ARHGEF26: variants seen among roughly 807,000 people sequenced by gnomAD.
The protein encoded by ARHGEF26 is Rho guanine nucleotide exchange factor (GEF) 26.
In ARHGEF26, 59 loss-of-function variants were observed where a neutral mutation model predicts 89.4. The ratio of observed to expected loss-of-function variants is 0.66; its 90% CI spans 0.54 to 0.82. The LOEUF is 0.82. ARHGEF26 is among the 40% of genes least tolerant of loss of function. The pLI is 0.00. For missense variants in ARHGEF26, 1,234 were observed against 1,085.6 expected (o/e 1.14, Z -1.92); for synonymous variants, 500 against 428.4 (o/e 1.17, Z -2.06).
At chr3:154,210,416 C>A (rs1003854533) in intron 9 of ARHGEF26, among the ~76,000 whole-genome samples, 1 of 151,998 alleles carries the variant, frequency 6.6e-6, no homozygotes, top group African/African-American at 2.4e-5. Flanking sequence ...TCCCTTCTGG[C>A]GATTCTCATG....
chr3:154,141,026 A>G (rs1010785852), intron 4 of ARHGEF26, among the ~76,000 whole-genome samples: 1 of 151,630 alleles, frequency 6.6e-6, no homozygotes, highest in African/African-American at 2.4e-5. Context: ...CAGTGGCACA[A>G]TCTCAGCTCA....
intron 11 of ARHGEF26, among the ~76,000 whole-genome samples, chr3:154,235,080 T>C (rs796382439): frequency 6.6e-6 from 1 of 152,190 alleles, no homozygotes; most frequent in Non-Finnish European, 1.5e-5. Flanking sequence ...CCACAATCTT[T>C]CTGGCTATTT....
chr3:154,157,590 A>C (rs942915463), intron 6 of ARHGEF26, among the ~76,000 whole-genome samples: 17 of 152,120 alleles, frequency 1.1e-4, no homozygotes, highest in African/African-American at 3.1e-4. Flanking sequence ...AGGCAATTGA[A>C]GTAACACAGC....
In ARHGEF26 at chr3:154,210,619, A is replaced by G. The variant is rs1046544002; in HGVS notation, c.1846-7250A>G. On this transcript the variant is annotated intron_variant, in intron 9 of 14. Coordinates refer to ENST00000465093, the MANE Select transcript of ARHGEF26 (RefSeq NM_015595.4). ...CGTGAGCCACTGCACCTGGCCGCCA[A>G]TTGCATTTGGCGCCAGGGTATGTCT... is the stretch of plus-strand genomic sequence containing the variant. 6.0e-5 allele frequency among the ~76,000 whole-genome samples: 9 copies of G among 151,216 alleles called. 1 individual carries two copies. The highest frequency in any genetic ancestry group is 2.0e-4 in the East Asian group (1 of 4,936).
rs1484865930 is a variant in ARHGEF26 at position 154,205,124 on chromosome 3, G to A, written c.1845+10406G>A. ...GATGTTGAAGTCTCTAGCTATTATG[G>A]TACTATGGTGTATCTCTTTCTTTAC... On this transcript the variant is annotated intron_variant, in intron 9 of 14. Coordinates refer to ENST00000465093, the MANE Select transcript of ARHGEF26 (RefSeq NM_015595.4). Among the ~76,000 whole-genome samples, 22 of 152,160 alleles carry A rather than the reference G, an allele frequency of 1.4e-4. 1 individual carries two copies. In the South Asian group the frequency reaches 4.4e-3, roughly 30 times the overall value.
At chr3:154,153,135 C>T (rs1449471759) in intron 6 of ARHGEF26, among the ~76,000 whole-genome samples, 4 of 152,080 alleles carry the variant, frequency 2.6e-5, no homozygotes, top group African/African-American at 4.8e-5. Flanking sequence ...TCACAGCAGA[C>T]GGCTGTCCTA....
At chr3:154,254,467 T>C (rs1057342704) in intron 13 of ARHGEF26, among the ~76,000 whole-genome samples, 2 of 152,110 alleles carry the variant, frequency 1.3e-5, no homozygotes, top group Non-Finnish European at 2.9e-5. Flanking sequence ...GACTAATGAC[T>C]CCTGATCAAC....
chr3:154,127,921 A>G (rs1239934479), intron 3 of ARHGEF26, among the ~76,000 whole-genome samples: 3 of 152,184 alleles, frequency 2.0e-5, no homozygotes, highest in Non-Finnish European at 4.4e-5. Context: ...ATATTATGCA[A>G]TGCGTGACTG....
intron 4 of ARHGEF26, among the ~76,000 whole-genome samples, chr3:154,144,775 G>A (rs1304246245): frequency 1.3e-5 from 2 of 152,124 alleles, no homozygotes; most frequent in African/African-American, 4.8e-5. Context: ...GCTATTTCTT[G>A]AGATTCAAAC....
At chr3:154,198,940 A>G (rs1047492106) in intron 9 of ARHGEF26, among the ~76,000 whole-genome samples, 4 of 152,166 alleles carry the variant, frequency 2.6e-5, no homozygotes, top group African/African-American at 4.8e-5. Flanking sequence ...TTGTGGGTAC[A>G]TAGTAGGTAC....
At chr3:154,239,906 G>A (rs565657867) in intron 11 of ARHGEF26, among the ~76,000 whole-genome samples, 1 of 152,234 alleles carries the variant, frequency 6.6e-6, no homozygotes, top group South Asian at 2.1e-4. Context: ...CTTGCCAGAA[G>A]CAAGCAGACC....
intron 11 of ARHGEF26, among the ~76,000 whole-genome samples, chr3:154,227,717 C>G: frequency 6.6e-6 from 1 of 152,158 alleles, no homozygotes; most frequent in Non-Finnish European, 1.5e-5. Context: ...TTATATATGT[C>G]TCTTCAAATG....
At chr3:154,246,787 A>C (rs1326292980) in intron 12 of ARHGEF26, among the ~76,000 whole-genome samples, 1 of 152,198 alleles carries the variant, frequency 6.6e-6, no homozygotes, top group Non-Finnish European at 1.5e-5. Flanking sequence ...TGGAGACAAA[A>C]ACAACAGGAC....
At chr3:154,123,824 T>C (rs881435) in intron 2 of ARHGEF26, among the ~76,000 whole-genome samples, 35,041 of 152,032 alleles carry the variant, frequency 0.23, 5,394 homozygotes, top group East Asian at 0.47. Context: ...TAAAATATTG[T>C]CAAATATGAC....
rs1457127318 is a variant in ARHGEF26 at position 154,257,737 on chromosome 3, C to T, written c.*2264C>T. 1 of 151,408 alleles carries T rather than the reference C, an allele frequency of 6.6e-6. No individual in the cohort carries two copies. The highest frequency in any genetic ancestry group is 1.5e-5 in the Non-Finnish European group (1 of 68,008). The allele number at this position is 151,408 out of a possible 1,614,324, so 9.4% of individuals were successfully genotyped here. A position where few individuals can be genotyped will look rare whatever the true frequency, so the allele number is the denominator to read the frequency against. ...GTACATTGACTTCATTACTAAAGAA[C>T]AAAAATGTTCATTTTTGTCCCAGTA... On this transcript the variant is annotated 3_prime_UTR_variant, in exon 15 of 15. Transcript: ENST00000465093.
At chr3:154,144,512 A>G (rs1727875) in intron 4 of ARHGEF26, among the ~76,000 whole-genome samples, 100,500 of 152,162 alleles carry the variant, frequency 0.66, 34,213 homozygotes, top group Non-Finnish European at 0.75. Context: ...TGCTGGCTGC[A>G]AATGAAGTAA....
At chr3:154,128,916 G>A (rs1718505530) in intron 3 of ARHGEF26, among the ~76,000 whole-genome samples, 1 of 152,086 alleles carries the variant, frequency 6.6e-6, no homozygotes, top group Non-Finnish European at 1.5e-5. Flanking sequence ...TACTATCAAA[G>A]TTATTTGCTT....
At chr3:154,236,608 C>T (rs891680855) in intron 11 of ARHGEF26, among the ~76,000 whole-genome samples, 1 of 152,124 alleles carries the variant, frequency 6.6e-6, no homozygotes, top group Non-Finnish European at 1.5e-5. Context: ...CATCAGCTTC[C>T]CTCAGGAAGG....
At chr3:154,139,817 A>C (rs1719247491) in intron 4 of ARHGEF26, among the ~76,000 whole-genome samples, 1 of 152,216 alleles carries the variant, frequency 6.6e-6, no homozygotes, top group African/African-American at 2.4e-5. Context: ...CCTGTACTCT[A>C]ATATCTTAAT....
Sources: gnomAD v4.1 joint callset for allele counts (sites outside exome capture counted in the v4.1 genomes callset) on GRCh38, gnomAD v4.1.1 for gene constraint, MANE v1.5 for transcripts, NCBI Gene and HGNC (gene_info 2026-07-23, HGNC 2026-07-21) for gene names.